The following LMTK3 variants were observed in gnomAD, a reference collection of about 807,000 sequenced individuals.
The protein encoded by LMTK3 is lemur tail kinase 3.
A neutral mutation model predicts 116.7 loss-of-function variants in LMTK3; 27 were observed. The observed-to-expected ratio is 0.23, with a 90% CI of 0.17 to 0.32. The LOEUF is 0.32. LMTK3 is among the 10% of genes least tolerant of loss of function. The probability of loss-of-function intolerance (pLI) is 1.00; values close to 1 mark genes in which losing one functional copy is unlikely to be tolerated. For synonymous variants in LMTK3, 965 were observed against 971.0 expected (o/e 0.99, Z 0.11); for missense variants, 1,764 against 2,068.5 (o/e 0.85, Z 2.86).
chr19:48,507,475 G>A (rs1335940245), intron 5 of LMTK3, among the ~76,000 whole-genome samples: 2 of 152,212 alleles, frequency 1.3e-5, no homozygotes, highest in African/African-American at 4.8e-5. Context: ...TTGCGAAGGT[G>A]GGAATCTTCT....
Position 48,501,502 on chromosome 19 carries a change from G to A in LMTK3, c.855C>T (p.Tyr285=), listed in dbSNP as rs781608222. 3 of 1,612,380 alleles carry A rather than the reference G, an allele frequency of 1.9e-6. No homozygotes were observed. Among genetic ancestry groups the A allele is most frequent in the South Asian group, 2.2e-5 (2 of 90,878 alleles). The change falls in exon 8 of 15, where the codon TAC becomes TAT. Residue 285 remains tyrosine, a synonymous_variant. Transcript: ENST00000600059. The part of the protein sequence containing the change: ...TSDLTVRIGD[Y]GLAHSNYKED... ...CCTTGTAGTTGCTGTGGGCCAGCCC[G>A]TAGTCTCCGATGCGCACGGTCAGGT...
In LMTK3 at chr19:48,498,722, G is replaced by A; in HGVS notation, c.2347C>T (p.Leu783Phe). 1 of 1,532,656 alleles carries A rather than the reference G, an allele frequency of 6.5e-7. No homozygotes were observed. Among genetic ancestry groups the A allele is most frequent in the Non-Finnish European group, 8.7e-7 (1 of 1,145,228 alleles). 94.9% of individuals were successfully genotyped at this position (1,532,656 alleles called of 1,614,324 possible). Reference sequence around the variant, plus strand: ...CCCGGCTTGGGGCCCGGCGACGAGAGGCCTGAACCGGGACTGGCCACGGCC... The same window carrying A: ...CCCGGCTTGGGGCCCGGCGACGAGAAGCCTGAACCGGGACTGGCCACGGCC... Reference protein sequence around the residue: ...PSAVASPGSGLSSPGPKPGDS... With the variant: ...PSAVASPGSGFSSPGPKPGDS... The change falls in exon 11 of 15, where the codon CTC becomes TTC. Residue 783 changes from leucine (L) to phenylalanine (F), a missense_variant. Coordinates refer to ENST00000600059, the MANE Select transcript of LMTK3 (RefSeq NM_001388485.1).
At position 48,485,534 on chromosome 19, in the gene LMTK3, C is replaced by T; in HGVS notation, c.*239G>A. 1.9e-6 allele frequency: 1 copy of T among 540,004 alleles called. No homozygotes were observed. Among genetic ancestry groups the T allele is most frequent in the South Asian group, 2.1e-5 (1 of 48,740 alleles). The allele number at this position is 540,004 out of a possible 1,614,324, so 33.5% of individuals were successfully genotyped here. ...CTCTCTATGGAGGGGCGGGGGGATT[C>T]CTGCCTCATTTGGCTCCGAGGGGGT... is the stretch of plus-strand genomic sequence containing the variant. On this transcript the variant is annotated 3_prime_UTR_variant, in exon 15 of 15. Transcript: ENST00000600059.
chr19:48,498,107 C>G lies in LMTK3; in HGVS notation c.2962G>C (p.Val988Leu), dbSNP rs775701669. Residue 988 changes from valine (V) to leucine (L), a missense_variant, in exon 11 of 15, where the codon GTG (valine) becomes CTG (leucine). Around this residue, in one of 7 missense-constraint regions of LMTK3, gnomAD observed 1,028 missense variants for 1,050.6 expected, o/e 0.98. Transcript: ENST00000600059. ...ELRSPEAGEK[V>L]LVNGGLTPPK... ...GGTGTCAGGCCCCCATTCACCAGCA[C>G]CTTCTCCCCGGCCTCTGGGGACCTC... 1 of 1,613,508 alleles carries G rather than the reference C, an allele frequency of 6.2e-7. No individual in the cohort carries two copies.
At chr19:48,493,590 C>G (rs909561049) in intron 12 of LMTK3, 104 bp downstream of exon 12, 31 of 1,418,684 alleles carry the variant, frequency 2.2e-5, no homozygotes, top group African/African-American at 3.0e-5. Flanking sequence ...CCCTCCAGGC[C>G]CCGCCCAACT....
In LMTK3 at chr19:48,509,425, C is replaced by T; in HGVS notation, c.438+12G>A. On this transcript the variant is annotated intron_variant, in intron 4 of 14. Coordinates refer to ENST00000600059, the MANE Select transcript of LMTK3 (RefSeq NM_001388485.1). The stretch of plus-strand genomic sequence containing the variant: ...TCCATGGAGCCCTGCCTCCCCTCCC[C>T]AGCCCACTCACCTTCCCAAACCAGC... 2 of 1,551,858 alleles carry T rather than the reference C, an allele frequency of 1.3e-6. No individual in the cohort carries two copies. The highest frequency in any genetic ancestry group is 1.7e-6 in the Non-Finnish European group (2 of 1,147,114).
At chr19:48,513,106 C>CACGCGCACAG (rs767334968), upstream of LMTK3, 63 of 1,570,978 alleles carry the variant, frequency 4.0e-5, no homozygotes, top group East Asian at 1.3e-3. This position sits in a 1 kb window ranked among gnomAD's most constrained non-coding sequence, Gnocchi z 5.6. Flanking sequence ...CAGACACAGA[C>CACGCGCACAG]ACGCGCACAG....
In LMTK3 at chr19:48,496,308, TTTTTTTC is replaced by T. The variant is rs1200138104; in HGVS notation, c.3676+1078_3676+1084del. Among the ~76,000 whole-genome samples the T allele has an allele frequency of 5.2e-3, 784 of 150,290 alleles. 11 individuals carry two copies. Among genetic ancestry groups the T allele is most frequent in the African/African-American group, 0.018 (754 of 40,884 alleles). On this transcript the variant is annotated intron_variant, in intron 11 of 14. Transcript: ENST00000600059. ...TTTTTTTCTTTTTCTTTTCTTTTTTTTTTTTTCTGAGACAGAGTCTCGCTTTATCGCC... is the reference window on the plus strand; with the variant it reads ...TTTTTTTCTTTTTCTTTTCTTTTTTTTGAGACAGAGTCTCGCTTTATCGCC...
chr19:48,491,481 G>A lies in LMTK3; in HGVS notation c.4151C>T (p.Ser1384Leu). 4 of 1,421,902 alleles carry A rather than the reference G, an allele frequency of 2.8e-6. No individual in the cohort carries two copies. The highest frequency in any genetic ancestry group is 3.7e-6 in the Non-Finnish European group (4 of 1,089,224). 88.1% of individuals were successfully genotyped at this position (1,421,902 alleles called of 1,614,324 possible). A position where few individuals can be genotyped will look rare whatever the true frequency, so the allele number is the denominator to read the frequency against. Reference protein sequence around the residue: ...QAPPEGDTDPSTPPAPPTPPH... With the variant: ...QAPPEGDTDPLTPPAPPTPPH... ...AGGTGTCGGGGGCGCTGGAGGCGTT[G>A]ACGGGTCCGTGTCCCCCTCGGGGGG... Residue 1384 changes from serine to leucine, a missense_variant, in exon 13 of 15, where the codon TCA (serine) becomes TTA (leucine). By Grantham distance (145) the Ser-to-Leu change is moderately radical. Coordinates refer to ENST00000600059, the MANE Select transcript of LMTK3 (RefSeq NM_001388485.1). The surrounding 1 kb of genome is among the most constrained non-coding windows in gnomAD (Gnocchi z 5.1).
rs1569102470 is a variant in LMTK3 at position 48,497,776 on chromosome 19, G to GC, written c.3292dup (p.Ala1098GlyfsTer442). The GC allele has an allele frequency of 6.6e-6, 9 of 1,355,510 alleles. No homozygotes were observed. Among genetic ancestry groups the GC allele is most frequent in the South Asian group, 3.8e-5 (2 of 53,098 alleles). 84.0% of individuals were successfully genotyped at this position (1,355,510 alleles called of 1,614,324 possible). Reference sequence around the variant, plus strand: ...CCTCCCAGCCCCTGGGGCTCTCGGCGCCCCCCCAGTCTCGGGGGCTCTCCT... The same window carrying GC: ...CCTCCCAGCCCCTGGGGCTCTCGGCGCCCCCCCCAGTCTCGGGGGCTCTCCT... On this transcript the variant is annotated frameshift_variant, in exon 11 of 15. Coordinates refer to ENST00000600059, the MANE Select transcript of LMTK3 (RefSeq NM_001388485.1). LOFTEE classifies it high-confidence loss of function. This position sits in a 1 kb window ranked among gnomAD's most constrained non-coding sequence, Gnocchi z 5.7.
At chr19:48,489,032 C>A (rs1316336229) in intron 14 of LMTK3, among the ~76,000 whole-genome samples, 1 of 152,142 alleles carries the variant, frequency 6.6e-6, no homozygotes, top group Non-Finnish European at 1.5e-5. Flanking sequence ...AGCCACTGTG[C>A]CTGGCCTTAA....
At chr19:48,496,616 CTT>C (rs1345855862) in intron 11 of LMTK3, among the ~76,000 whole-genome samples, 1 of 151,172 alleles carries the variant, frequency 6.6e-6, no homozygotes, top group Admixed American at 6.6e-5. Flanking sequence ...GCCTGGCTAA[CTT>C]TTGTATTTTT....
chr19:48,489,002 G>A lies in LMTK3; in HGVS notation c.4366+2106C>T, dbSNP rs557364022. On this transcript the variant is annotated intron_variant, in intron 14 of 14. Transcript: ENST00000600059. ...GATCTGCCTGCCTTGGCCTCCCAAA[G>A]TGCTGGGCTTACAGGCGTAAGCCAC... 1.1e-4 allele frequency among the ~76,000 whole-genome samples: 17 copies of A among 152,276 alleles called. No individual in the cohort carries two copies. In the South Asian group the frequency reaches 3.5e-3, roughly 32 times the overall value.
chr19:48,501,793 T>A (rs1189401229), intron 7 of LMTK3, among the ~76,000 whole-genome samples: 1 of 151,426 alleles, frequency 6.6e-6, no homozygotes, highest in African/African-American at 2.4e-5. Flanking sequence ...CTGCACTGGC[T>A]CCTCCTCTTA....
At chr19:48,508,830 C>T in intron 5 of LMTK3, 21 bp downstream of exon 5, 1 of 1,556,392 alleles carries the variant, frequency 6.4e-7, no homozygotes, top group Middle Eastern at 1.7e-4. Flanking sequence ...AGGCACACAC[C>T]CACTGAGAAA....
intron 2 of LMTK3, 128 bp from the exon 3 acceptor site, chr19:48,510,301 C>A: frequency 7.2e-7 from 1 of 1,396,358 alleles, no homozygotes; most frequent in Non-Finnish European, 9.7e-7. Flanking sequence ...ATTTCCATCC[C>A]CCATTTCCCC....
At chr19:48,512,140 T>C (rs1972674747), upstream of LMTK3, among the ~76,000 whole-genome samples, 1 of 151,992 alleles carries the variant, frequency 6.6e-6, no homozygotes, top group South Asian at 2.1e-4. Context: ...CACGCTAAGA[T>C]GCAGATGTCA....
intron 3 of LMTK3, 88 bp downstream of exon 3, chr19:48,509,935 A>G: frequency 1.4e-6 from 2 of 1,475,244 alleles, no homozygotes. Context: ...GCTGGTCTCA[A>G]CCGCCCCAGC....
intron 5 of LMTK3, among the ~76,000 whole-genome samples, chr19:48,507,823 T>TA (rs1414751062): frequency 2.0e-5 from 3 of 152,070 alleles, no homozygotes; most frequent in Admixed American, 6.6e-5. Flanking sequence ...CTGGCACAGG[T>TA]TTAGGGAGAG....
Sources: gnomAD v4.1 joint callset for allele counts (sites outside exome capture counted in the v4.1 genomes callset) on GRCh38, gnomAD v4.1.1 for gene constraint, gnomAD v4.1.1 regional missense constraint, Gnocchi (gnomAD v3.1) non-coding constraint, MANE v1.5 for transcripts, NCBI Gene and HGNC (gene_info 2026-07-23, HGNC 2026-07-21) for gene names.